The following POLR3GL variants were observed in gnomAD, a reference collection of about 807,000 sequenced individuals.
The protein encoded by POLR3GL is DNA-directed RNA polymerase III subunit RPC7-like.
In POLR3GL, 26 loss-of-function variants were observed where a neutral mutation model predicts 32.4. The ratio of observed to expected loss-of-function variants is 0.80; its 90% CI spans 0.59 to 1.11. POLR3GL has a LOEUF of 1.11. POLR3GL is among the 50% of genes most tolerant of loss of function. POLR3GL has a pLI of 0.00. For synonymous variants in POLR3GL, 95 were observed against 98.7 expected, an observed-to-expected ratio of 0.96 and a Z score of 0.22; for missense variants, 229 against 280.1, an observed-to-expected ratio of 0.82 and a Z score of 1.30.
At chr1:145,966,514 G>A (rs587616999) in intron 1 of POLR3GL, among the ~76,000 whole-genome samples, 14 of 150,642 alleles carry the variant, frequency 9.3e-5, no homozygotes, top group South Asian at 2.1e-4. Flanking sequence ...GAGGCCGGGC[G>A]TGATGGCTCA....
chr1:145,974,726 T>C lies in POLR3GL; in HGVS notation c.-41-99T>C, dbSNP rs1455121474. 3 of 829,532 alleles carry C rather than the reference T, an allele frequency of 3.6e-6. No homozygotes were observed. In the African/African-American group the frequency reaches 5.4e-5, roughly 15 times the overall value. The allele number at this position is 829,532 out of a possible 1,614,324, so 51.4% of individuals were successfully genotyped here. ...CAAAATTTGTTGAATGACATTAACTTTTCATGTCCCAGAGATAAAAGATTG... is the reference window on the plus strand; with the variant it reads ...CAAAATTTGTTGAATGACATTAACTCTTCATGTCCCAGAGATAAAAGATTG... On this transcript the variant is annotated intron_variant, in intron 1 of 7. Transcript: ENST00000369314.
intron 1 of POLR3GL, among the ~76,000 whole-genome samples, chr1:145,968,961 C>G (rs587767397): frequency 2.0e-4 from 30 of 152,272 alleles, no homozygotes; most frequent in African/African-American, 7.2e-4. Flanking sequence ...GATATCTTAA[C>G]CAACAGCCAT....
rs782525454 is a variant in POLR3GL at position 145,977,544 on chromosome 1, G to A, written c.382+5G>A. On this transcript the variant is annotated splice_donor_5th_base_variant and intron_variant, in intron 5 of 7. Transcript: ENST00000369314. The stretch of plus-strand genomic sequence containing the variant: ...TGCGGAAGCTACAGAAGGAACGTGA[G>A]TGTATCTGGAAAAAAGGAGGGAGAA... 9 of 1,613,712 alleles carry A rather than the reference G, an allele frequency of 5.6e-6. No individual in the cohort carries two copies. The highest frequency in any genetic ancestry group is 1.1e-5 in the South Asian group (1 of 91,084).
intron 1 of POLR3GL, among the ~76,000 whole-genome samples, chr1:145,972,288 G>C (rs1158361091): frequency 6.6e-6 from 1 of 151,334 alleles, no homozygotes; most frequent in Non-Finnish European, 1.5e-5. Context: ...GCTGAGGCAG[G>C]AGAATCTCTT....
In POLR3GL at chr1:145,977,326, T is replaced by C. The variant is rs1332069572; in HGVS notation, c.326-157T>C. ...TCTACCTGAAAAAGCTATTAAATAGTTCCCACTACTCAGGAGATATCCAAG... is the reference window on the plus strand; with the variant it reads ...TCTACCTGAAAAAGCTATTAAATAGCTCCCACTACTCAGGAGATATCCAAG... On this transcript the variant is annotated intron_variant, in intron 4 of 7. Coordinates refer to ENST00000369314, the MANE Select transcript of POLR3GL (RefSeq NM_032305.3). Among the ~76,000 whole-genome samples, 3 of 152,154 alleles carry C rather than the reference T, an allele frequency of 2.0e-5. No homozygotes were observed. The East Asian group carries it at 5.8e-4, about 29-fold the overall frequency.
chr1:145,977,459 C>A, intron 4 of POLR3GL, 24 bp from the exon 5 acceptor site: 2 of 1,611,510 alleles, frequency 1.2e-6, no homozygotes, highest in Non-Finnish European at 1.7e-6. Context: ...GTCCTATTGA[C>A]ATTTACGTTC....
Position 145,974,878 on chromosome 1 carries a change from G to A in POLR3GL, c.13G>A (p.Gly5Ser). The part of the protein sequence containing the change: MASR[G>S]GGRGRGRGQL... The stretch of plus-strand genomic sequence containing the variant: ...GGCCCCCTCCACCATGGCCAGCCGG[G>A]GTGGGGGCCGGGGTCGTGGCCGGGG... The change falls in exon 2 of 8, where the codon GGT becomes AGT. Residue 5 changes from glycine (G) to serine (S), a missense_variant. By Grantham distance (56) the Gly-to-Ser change is moderately conservative (BLOSUM62 0). Transcript: ENST00000369314. 7 of 1,516,190 alleles carry A rather than the reference G, an allele frequency of 4.6e-6. No individual in the cohort carries two copies. Among genetic ancestry groups the A allele is most frequent in the Non-Finnish European group, 6.1e-6 (7 of 1,141,696 alleles). The allele number at this position is 1,516,190 out of a possible 1,614,324, so 93.9% of individuals were successfully genotyped here.
Position 145,978,713 on chromosome 1 carries a change from G to T in POLR3GL, c.*266G>T. 2.2e-6 allele frequency: 1 copy of T among 458,924 alleles called. No individual in the cohort carries two copies. Among genetic ancestry groups the T allele is most frequent in the Non-Finnish European group, 3.9e-6 (1 of 257,366 alleles). The allele number at this position is 458,924 out of a possible 1,614,324, so 28.4% of individuals were successfully genotyped here. On this transcript the variant is annotated 3_prime_UTR_variant, in exon 8 of 8. Coordinates refer to ENST00000369314, the MANE Select transcript of POLR3GL (RefSeq NM_032305.3). ...AAAGGAGAATTGAAAGAAGAACTGG[G>T]GTTGTTAGAGCTGAGATGACTGTAC...
At chr1:145,974,718 C>T (rs1650468333) in intron 1 of POLR3GL, 107 bp from the exon 2 acceptor site, 1 of 749,214 alleles carries the variant, frequency 1.3e-6, no homozygotes, top group Admixed American at 4.2e-5. Flanking sequence ...TGTTGAATGA[C>T]ATTAACTTTT....
intron 2 of POLR3GL, 116 bp from the exon 3 acceptor site, chr1:145,975,191 G>A (rs1650497268): frequency 7.1e-6 from 10 of 1,400,308 alleles, no homozygotes; most frequent in Non-Finnish European, 9.7e-6. Context: ...TTACTCCCTC[G>A]ATTGTCATTT....
rs782766274 is a variant in POLR3GL at position 145,977,470 on chromosome 1, C to T, written c.326-13C>T. The T allele has an allele frequency of 6.2e-7, 1 of 1,613,600 alleles. No individual in the cohort carries two copies. The highest frequency in any genetic ancestry group is 1.1e-5 in the South Asian group (1 of 91,068). On this transcript the variant is annotated splice_polypyrimidine_tract_variant and intron_variant, in intron 4 of 7. Coordinates refer to ENST00000369314, the MANE Select transcript of POLR3GL (RefSeq NM_032305.3). ...CAGGGTCCTATTGACATTTACGTTC[C>T]CACTATTCCCAGATTGGCGGCGTCT... is the stretch of plus-strand genomic sequence containing the variant.
intron 6 of POLR3GL, 45 bp downstream of exon 6, chr1:145,977,896 T>C: frequency 1.2e-5 from 19 of 1,611,816 alleles, no homozygotes; most frequent in Non-Finnish European, 1.4e-5. Flanking sequence ...CCTGGATCCA[T>C]TCCCTCTCTC....
At chr1:145,970,939 A>G (rs1030766336) in intron 1 of POLR3GL, among the ~76,000 whole-genome samples, 11 of 144,990 alleles carry the variant, frequency 7.6e-5, no homozygotes, top group African/African-American at 2.8e-4. Context: ...GTAATCTAGC[A>G]CTTTGGGAGG....
chr1:145,972,380 C>CA (rs782476722), intron 1 of POLR3GL, among the ~76,000 whole-genome samples: 2,048 of 82,426 alleles, frequency 0.025, 29 homozygotes, highest in African/African-American at 0.062. Context: ...AACTCCATCT[C>CA]AAAAAAAAAA....
intron 1 of POLR3GL, among the ~76,000 whole-genome samples, chr1:145,973,961 TAA>T (rs35199064): frequency 1.6e-3 from 163 of 104,914 alleles, no homozygotes; most frequent in African/African-American, 5.3e-3. Context: ...TCCAGTCTCT[TAA>T]AAAAAAAAAA....
chr1:145,964,992 G>C (rs1340011973), intron 1 of POLR3GL, among the ~76,000 whole-genome samples: 4 of 152,166 alleles, frequency 2.6e-5, no homozygotes, highest in African/African-American at 9.7e-5. Context: ...ACAGCCTCTT[G>C]TATCTGTCTT....
chr1:145,978,370 T>C lies in POLR3GL; in HGVS notation c.580T>C (p.Tyr194His), dbSNP rs1650660709. The change falls in exon 8 of 8, where the codon TAC becomes CAC. Residue 194 changes from tyrosine to histidine, a missense_variant. Tyr to His is a moderately conservative substitution (Grantham distance 83, BLOSUM62 2). Coordinates refer to ENST00000369314, the MANE Select transcript of POLR3GL (RefSeq NM_032305.3). The part of the protein sequence containing the change: ...DEEEHEEETD[Y>H]IMSYFDNGED... ...TTTTTTTCCATTTCAGGAAACTGATTACATCATGTCATATTTTGACAATGG... is the reference window on the plus strand; with the variant it reads ...TTTTTTTCCATTTCAGGAAACTGATCACATCATGTCATATTTTGACAATGG... 1 of 1,605,326 alleles carries C rather than the reference T, an allele frequency of 6.2e-7. No individual in the cohort carries two copies. The highest frequency in any genetic ancestry group is 1.1e-5 in the South Asian group (1 of 90,746).
rs1650511578 is a variant in POLR3GL, at chr1:145,975,518, G to A, written c.256+82G>A. ...CTCAGCACCACTGGGGGCCAGAGGG[G>A]CACAGGAAGCATACTATCTAACTGG... On this transcript the variant is annotated intron_variant, in intron 3 of 7. Coordinates refer to ENST00000369314, the MANE Select transcript of POLR3GL (RefSeq NM_032305.3). The A allele has an allele frequency of 2.7e-6, 4 of 1,488,238 alleles. No homozygotes were observed. In the Admixed American group the frequency reaches 5.3e-5, roughly 20 times the overall value. 92.2% of individuals were successfully genotyped at this position (1,488,238 alleles called of 1,614,324 possible).
chr1:145,977,215 T>A (rs1171610265), intron 4 of POLR3GL, 63 bp downstream of exon 4: 2 of 1,407,936 alleles, frequency 1.4e-6, no homozygotes, highest in African/African-American at 2.8e-5. Context: ...TTCAAGCTAT[T>A]CCCACCACGC....
Sources: allele counts gnomAD v4.1 joint callset (sites outside exome capture counted in the v4.1 genomes callset), GRCh38; gene constraint gnomAD v4.1.1; transcripts MANE v1.5; gene names NCBI Gene and HGNC (gene_info 2026-07-23, HGNC 2026-07-21).